TBC1D22A: variants seen among roughly 807,000 people sequenced by gnomAD.
TBC1D22A encodes TBC1 domain family member 22A, also known as putative GTPase activator.
Under a neutral mutation model 60.2 loss-of-function variants are expected in TBC1D22A, and 38 were observed. That is an observed-to-expected ratio of 0.63 (90% CI 0.49 to 0.83). The LOEUF is 0.83. Ranked by LOEUF, TBC1D22A falls within the 40% of genes least tolerant of loss-of-function variation. The pLI is 0.00. For synonymous variants in TBC1D22A, 302 were observed against 281.7 expected (o/e 1.07, Z -0.72); for missense variants, 628 against 701.0 (o/e 0.90, Z 1.18).
At chr22:46,923,252 C>T (rs527938283) in intron 8 of TBC1D22A, among the ~76,000 whole-genome samples, 1 of 152,220 alleles carries the variant, frequency 6.6e-6, no homozygotes, top group Non-Finnish European at 1.5e-5. Flanking sequence ...GCAGCCTCCC[C>T]TTTGATTAAG....
intron 12 of TBC1D22A, among the ~76,000 whole-genome samples, chr22:47,165,255 G>T (rs1018710489): frequency 2.0e-5 from 3 of 152,122 alleles, no homozygotes; most frequent in African/African-American, 7.2e-5. Flanking sequence ...GCTCCAGGGG[G>T]TGCGCGGACC....
intron 10 of TBC1D22A, among the ~76,000 whole-genome samples, chr22:47,000,753 C>T (rs1330503205): frequency 3.3e-5 from 5 of 150,724 alleles, no homozygotes; most frequent in Non-Finnish European, 7.4e-5. Context: ...CGTTTTCAGT[C>T]GTGGCAGGCT....
At chr22:46,862,844 G>A (rs1328292310) in intron 4 of TBC1D22A, among the ~76,000 whole-genome samples, 1 of 152,196 alleles carries the variant, frequency 6.6e-6, no homozygotes, top group Non-Finnish European at 1.5e-5. Context: ...CTGGGGTGCA[G>A]GACTGGGGAG....
At chr22:46,782,719 C>T (rs541905870) in intron 1 of TBC1D22A, among the ~76,000 whole-genome samples, 1 of 152,276 alleles carries the variant, frequency 6.6e-6, no homozygotes, top group South Asian at 2.1e-4. Context: ...TGTTGTATGT[C>T]GGTGGAATCA....
At chr22:46,799,444 A>G (rs1445315811) in intron 4 of TBC1D22A, among the ~76,000 whole-genome samples, 1 of 152,210 alleles carries the variant, frequency 6.6e-6, no homozygotes, top group Non-Finnish European at 1.5e-5. Context: ...ACATTCCCTC[A>G]GTATCATCAC....
intron 12 of TBC1D22A, among the ~76,000 whole-genome samples, chr22:47,164,823 C>T (rs2068134093): frequency 6.6e-6 from 1 of 152,214 alleles, no homozygotes; most frequent in African/African-American, 2.4e-5. Context: ...ATGTACGTCA[C>T]GGAAGCGGAT....
At chr22:47,118,864 CAA>C (rs1259240525) in intron 12 of TBC1D22A, among the ~76,000 whole-genome samples, 1 of 152,038 alleles carries the variant, frequency 6.6e-6, no homozygotes, top group Non-Finnish European at 1.5e-5. Context: ...AAAAAAAGCC[CAA>C]CCTGGCCAGG....
At chr22:46,872,358 A>G (rs1315800880) in intron 4 of TBC1D22A, among the ~76,000 whole-genome samples, 1 of 152,220 alleles carries the variant, frequency 6.6e-6, no homozygotes, top group Admixed American at 6.5e-5. Context: ...AAGACATTAT[A>G]AGAAAAGAGA....
chr22:46,868,489 C>A (rs773844483), intron 4 of TBC1D22A, among the ~76,000 whole-genome samples: 3 of 152,062 alleles, frequency 2.0e-5, no homozygotes, highest in African/African-American at 7.3e-5. Context: ...ACCCAGAATT[C>A]GAACACTTGG....
At chr22:47,151,885 C>T (rs1181475279) in intron 12 of TBC1D22A, among the ~76,000 whole-genome samples, 2 of 152,298 alleles carry the variant, frequency 1.3e-5, no homozygotes, top group Admixed American at 6.5e-5. Context: ...GCCCAGTGAC[C>T]TGCACTTTTC....
At chr22:46,804,049 C>A (rs907225166) in intron 4 of TBC1D22A, among the ~76,000 whole-genome samples, 11 of 152,250 alleles carry the variant, frequency 7.2e-5, no homozygotes, top group African/African-American at 2.7e-4. Context: ...AGGTAAGTAA[C>A]TGACACTACC....
intron 11 of TBC1D22A, among the ~76,000 whole-genome samples, chr22:47,053,131 C>T (rs1321315780): frequency 6.6e-6 from 1 of 152,162 alleles, no homozygotes; most frequent in Non-Finnish European, 1.5e-5. Flanking sequence ...TCCTGCCCAC[C>T]ACCAGCCCAG....
intron 11 of TBC1D22A, among the ~76,000 whole-genome samples, chr22:47,045,610 C>T (rs1314769966): frequency 2.0e-5 from 3 of 152,282 alleles, no homozygotes; most frequent in Admixed American, 6.5e-5. Flanking sequence ...GTGTTGTTAG[C>T]GGGTTAGCGT....
intron 12 of TBC1D22A, among the ~76,000 whole-genome samples, chr22:47,159,592 G>A (rs560321996): frequency 5.3e-5 from 8 of 150,116 alleles, no homozygotes; most frequent in South Asian, 2.1e-4. Flanking sequence ...TTATGTACAC[G>A]TATCACACCA....
chr22:47,090,481 G>A (rs978004421), intron 11 of TBC1D22A, among the ~76,000 whole-genome samples: 5 of 152,250 alleles, frequency 3.3e-5, no homozygotes, highest in Non-Finnish European at 7.3e-5. Flanking sequence ...TGTCAGAAAC[G>A]CAACATGCAT....
intron 1 of TBC1D22A, chr22:46,774,344 GC>G: frequency 1.2e-6 from 1 of 803,876 alleles, no homozygotes; most frequent in Non-Finnish European, 1.5e-6. Context: ...CCATTTCTGG[GC>G]CCCGTGCTGT....
chr22:46,823,455 G>T (rs1239485810), intron 4 of TBC1D22A, among the ~76,000 whole-genome samples: 1 of 152,150 alleles, frequency 6.6e-6, no homozygotes, highest in African/African-American at 2.4e-5. Context: ...AGGTCCCCTG[G>T]GAAGGGCAGG....
intron 11 of TBC1D22A, among the ~76,000 whole-genome samples, chr22:47,042,691 C>T (rs570612358): frequency 8.7e-4 from 133 of 152,312 alleles, no homozygotes; most frequent in African/African-American, 3.0e-3. Context: ...CCTGATGGGA[C>T]CCCCATCTGT....
chr22:46,840,331 T>C (rs1391257808), intron 4 of TBC1D22A, among the ~76,000 whole-genome samples: 1 of 152,102 alleles, frequency 6.6e-6, no homozygotes, highest in Admixed American at 6.5e-5. Flanking sequence ...AAAGAAGACA[T>C]ACAGATTATC....
Sources: allele counts gnomAD v4.1 joint callset (sites outside exome capture counted in the v4.1 genomes callset), GRCh38; gene constraint gnomAD v4.1.1; transcripts MANE v1.5; gene names NCBI Gene and HGNC (gene_info 2026-07-23, HGNC 2026-07-21).